SYT16: variants seen among roughly 807,000 people sequenced by gnomAD.
SYT16 encodes synaptotagmin-16.
A neutral mutation model predicts 61.4 loss-of-function variants in SYT16; 42 were observed. The ratio of observed to expected loss-of-function variants is 0.68; its 90% CI spans 0.53 to 0.89. The LOEUF (loss-of-function observed/expected upper bound fraction) is 0.89. Among genes scored for constraint, SYT16 ranks in the 40% least tolerant of loss-of-function variants. The probability of loss-of-function intolerance (pLI) is 0.00; values close to 1 mark genes in which losing one functional copy is unlikely to be tolerated. For missense variants in SYT16, 804 were observed against 807.3 expected, an observed-to-expected ratio of 1.00 and a Z score of 0.05; for synonymous variants, 314 against 302.3, an observed-to-expected ratio of 1.04 and a Z score of -0.40.
intron 4 of SYT16, among the ~76,000 whole-genome samples, chr14:62,071,997 A>T (rs1276844224): frequency 6.6e-6 from 1 of 152,184 alleles, no homozygotes; most frequent in Non-Finnish European, 1.5e-5. Context: ...ATTTAGGATT[A>T]TTGCACACTA....
At chr14:62,042,084 T>C (rs556543645) in intron 3 of SYT16, among the ~76,000 whole-genome samples, 1 of 152,358 alleles carries the variant, frequency 6.6e-6, no homozygotes, top group Non-Finnish European at 1.5e-5. Context: ...TTATTCTCTG[T>C]GTAATTTCTA....
chr14:61,903,965 A>G (rs963327477), intron 1 of SYT16, among the ~76,000 whole-genome samples: 2 of 152,244 alleles, frequency 1.3e-5, no homozygotes, highest in African/African-American at 4.8e-5. Flanking sequence ...GAGGGTATCA[A>G]TAATGAGGGA....
At chr14:62,092,525 T>C (rs1257163975) in intron 7 of SYT16, among the ~76,000 whole-genome samples, 1 of 151,942 alleles carries the variant, frequency 6.6e-6, no homozygotes, top group African/African-American at 2.4e-5. Context: ...GGTATATACA[T>C]ATAAGGAATA....
intron 4 of SYT16, among the ~76,000 whole-genome samples, chr14:62,071,492 C>A (rs1208149308): frequency 6.6e-6 from 1 of 152,210 alleles, no homozygotes; most frequent in African/African-American, 2.4e-5. Flanking sequence ...GGAAAAAAAT[C>A]TACTACATTG....
At chr14:61,910,902 G>A (rs369192091) in intron 1 of SYT16, among the ~76,000 whole-genome samples, 6 of 152,168 alleles carry the variant, frequency 3.9e-5, no homozygotes, top group Admixed American at 6.5e-5. Flanking sequence ...CTCCCTGCAG[G>A]GTATCAAATG....
chr14:61,873,301 G>C (rs1284635767), intron 1 of SYT16, among the ~76,000 whole-genome samples: 1 of 152,192 alleles, frequency 6.6e-6, no homozygotes, highest in Non-Finnish European at 1.5e-5. Context: ...AAACCACCAT[G>C]TCACAGCCAA....
chr14:61,816,965 C>T (rs2045453372), intron 1 of SYT16, among the ~76,000 whole-genome samples: 1 of 149,390 alleles, frequency 6.7e-6, no homozygotes, highest in African/African-American at 2.5e-5. Context: ...GAGCCGAGAT[C>T]CTGCCACTGC....
At chr14:61,989,082 T>G (rs150930836) in intron 2 of SYT16, among the ~76,000 whole-genome samples, 1 of 152,296 alleles carries the variant, frequency 6.6e-6, no homozygotes, top group Non-Finnish European at 1.5e-5. Context: ...TTTATTCATA[T>G]AAGTTGTCAA....
chr14:61,997,629 T>A (rs988877312), intron 3 of SYT16, among the ~76,000 whole-genome samples: 1 of 152,086 alleles, frequency 6.6e-6, no homozygotes, highest in African/African-American at 2.4e-5. Context: ...TGAGGTAGGC[T>A]GATATTCTTT....
At chr14:61,843,652 T>C (rs1249241303) in intron 1 of SYT16, among the ~76,000 whole-genome samples, 1 of 152,230 alleles carries the variant, frequency 6.6e-6, no homozygotes, top group Non-Finnish European at 1.5e-5. Flanking sequence ...CACCATTTAT[T>C]GAAGAGACTA....
At chr14:61,857,853 A>T (rs73256462) in intron 1 of SYT16, among the ~76,000 whole-genome samples, 14,984 of 152,106 alleles carry the variant, frequency 0.099, 1,575 homozygotes, top group African/African-American at 0.26. Flanking sequence ...GAAAGAGTAT[A>T]TGGAAGGAAA....
chr14:61,914,910 A>G (rs1407414632), intron 1 of SYT16, among the ~76,000 whole-genome samples: 8 of 152,104 alleles, frequency 5.3e-5, no homozygotes, highest in South Asian at 2.1e-4. Context: ...CTGGTTTCCA[A>G]TTATGTCTAG....
At chr14:61,992,963 T>A (rs551405080) in intron 2 of SYT16, among the ~76,000 whole-genome samples, 2 of 151,946 alleles carry the variant, frequency 1.3e-5, no homozygotes, top group South Asian at 4.2e-4. Context: ...ATGATCAAAA[T>A]TCATTTTTTA....
intron 3 of SYT16, among the ~76,000 whole-genome samples, chr14:62,058,340 CTTTTTTTT>C (rs796187620): frequency 1.8e-5 from 2 of 109,028 alleles, no homozygotes; most frequent in African/African-American, 3.5e-5. Flanking sequence ...TGTTTAAATT[CTTTTTTTT>C]TTTTTTTTTT....
rs575440350 is a variant in SYT16 at position 62,046,113 on chromosome 14, G to C, written c.524-23490G>C. On this transcript the variant is annotated intron_variant, in intron 3 of 7. Transcript: ENST00000683842. Reference sequence around the variant, plus strand: ...TTTCTCCATATCCTCTCCAGCACCTGTTGTTTCCTGACTTTTTAATGATCG... The same window carrying C: ...TTTCTCCATATCCTCTCCAGCACCTCTTGTTTCCTGACTTTTTAATGATCG... Among the ~76,000 whole-genome samples, 6 of 152,248 alleles carry C rather than the reference G, an allele frequency of 3.9e-5. No individual in the cohort carries two copies. The South Asian group carries it at 1.2e-3, about 32-fold the overall frequency.
intron 1 of SYT16, among the ~76,000 whole-genome samples, chr14:61,913,438 T>C (rs2049006081): frequency 6.6e-6 from 1 of 152,162 alleles, no homozygotes; most frequent in Non-Finnish European, 1.5e-5. Flanking sequence ...TTATTTTTCT[T>C]TTTACATCTT....
rs1448226477 is a variant in SYT16 at position 62,101,770 on chromosome 14, C to T, written c.*1063C>T. 2.0e-5 allele frequency: 3 copies of T among 152,134 alleles called. No individual in the cohort carries two copies. Among genetic ancestry groups the T allele is most frequent in the Non-Finnish European group, 4.4e-5 (3 of 68,030 alleles). 9.4% of individuals were successfully genotyped at this position (152,134 alleles called of 1,614,324 possible). On this transcript the variant is annotated 3_prime_UTR_variant, in exon 8 of 8. Transcript: ENST00000683842. ...AATATTTTCAGCTTGTGTGGAATGA[C>T]ATTAAGTTTTTCTTTGAGCATTTGA...
intron 7 of SYT16, among the ~76,000 whole-genome samples, chr14:62,093,408 C>T (rs751192364): frequency 6.6e-6 from 1 of 151,802 alleles, no homozygotes; most frequent in Non-Finnish European, 1.5e-5. Flanking sequence ...TATAAAGGGA[C>T]AAAAATTGCT....
At position 62,105,325 on chromosome 14, in the gene SYT16, T is replaced by G. The variant is rs1354799213; in HGVS notation, c.*4618T>G. The G allele has an allele frequency of 6.6e-6, 1 of 152,224 alleles. No individual in the cohort carries two copies. The highest frequency in any genetic ancestry group is 2.4e-5 in the African/African-American group (1 of 41,462). 9.4% of individuals were successfully genotyped at this position (152,224 alleles called of 1,614,324 possible). On this transcript the variant is annotated 3_prime_UTR_variant, in exon 8 of 8. Coordinates refer to ENST00000683842, the MANE Select transcript of SYT16 (RefSeq NM_001367656.1). Reference sequence around the variant, plus strand: ...AAAAGAGTTGGTGACAATGGCAGTTTGACTACATATTTCAACTGTGATCCA... The same window carrying G: ...AAAAGAGTTGGTGACAATGGCAGTTGGACTACATATTTCAACTGTGATCCA...
Sources: allele counts gnomAD v4.1 joint callset (sites outside exome capture counted in the v4.1 genomes callset), GRCh38; gene constraint gnomAD v4.1.1; transcripts MANE v1.5; gene names NCBI Gene and HGNC (gene_info 2026-07-23, HGNC 2026-07-21).